The following IL1RAPL1 variants were observed in gnomAD, a reference collection of about 807,000 sequenced individuals.
IL1RAPL1 encodes the protein interleukin-1 receptor accessory protein-like 1.
Under a neutral mutation model 48.4 loss-of-function variants are expected in IL1RAPL1, and 3 were observed. The observed-to-expected ratio is 0.06, with a 90% CI of 0.03 to 0.16. IL1RAPL1 has a LOEUF of 0.16. IL1RAPL1 is among the 10% of genes least tolerant of loss of function. The probability of loss-of-function intolerance (pLI) is 1.00; values close to 1 mark genes in which losing one functional copy is unlikely to be tolerated. For synonymous variants in IL1RAPL1, 185 were observed against 187.7 expected (o/e 0.99, Z 0.12); for missense variants, 349 against 530.6 (o/e 0.66, Z 3.36).
intron 1 of IL1RAPL1, among the ~76,000 whole-genome samples, chrX:28,687,982 T>G (rs1935131975): frequency 9.4e-6 from 1 of 106,079 alleles, no homozygotes; most frequent in Admixed American, 1.0e-4. Context: ...CATGCTACAG[T>G]AATCCTAGCT....
intron 5 of IL1RAPL1, among the ~76,000 whole-genome samples, chrX:29,649,406 T>C (rs1378205099): frequency 2.7e-5 from 3 of 111,884 alleles, no homozygotes; most frequent in South Asian, 3.7e-4. Flanking sequence ...ACATGATCAA[T>C]TGAGATTCAT....
intron 6 of IL1RAPL1, among the ~76,000 whole-genome samples, chrX:29,913,215 A>C (rs12558680): frequency 0.26 from 28,231 of 109,787 alleles, 2,740 homozygotes; most frequent in Admixed American, 0.3. Flanking sequence ...GAGCAGAGCA[A>C]TGCATAAGAA....
At chrX:28,977,578 C>A (rs1925235921) in intron 2 of IL1RAPL1, among the ~76,000 whole-genome samples, 1 of 112,287 alleles carries the variant, frequency 8.9e-6, no homozygotes, top group African/African-American at 3.2e-5. Flanking sequence ...GGACACAGAT[C>A]CAAACCATAT....
At chrX:29,719,743 C>CAAAAAAAAAAAA (rs372308075) in intron 6 of IL1RAPL1, among the ~76,000 whole-genome samples, 7 of 21,841 alleles carry the variant, frequency 3.2e-4, no homozygotes, top group Non-Finnish European at 6.5e-4. Context: ...GAAAGATGAG[C>CAAAAAAAAAAAA]AAAAAAAAAA....
intron 3 of IL1RAPL1, among the ~76,000 whole-genome samples, chrX:29,373,866 A>ATTTTTT (rs1933579571): frequency 1.3e-3 from 30 of 23,458 alleles, no homozygotes; most frequent in Non-Finnish European, 2.3e-3. Context: ...CTCTCTTTTT[A>ATTTTTT]ATTTTTTTTT....
chrX:29,822,073 TAATTTTCC>T (rs1930631918), intron 6 of IL1RAPL1, among the ~76,000 whole-genome samples: 2 of 112,266 alleles, frequency 1.8e-5, no homozygotes, highest in South Asian at 7.3e-4. Flanking sequence ...GTCAAAGATT[TAATTTTCC>T]AATTGATCTT....
At chrX:29,938,651 G>T (rs1329968252) in intron 8 of IL1RAPL1, among the ~76,000 whole-genome samples, 2 of 112,367 alleles carry the variant, frequency 1.8e-5, no homozygotes, top group Non-Finnish European at 3.8e-5. Flanking sequence ...GGCTAAATGA[G>T]TTCCGACAAA....
At position 29,644,715 on chromosome X, in the gene IL1RAPL1, C is replaced by T. The variant is rs774574120; in HGVS notation, c.704-23715C>T. 9.0e-5 allele frequency among the ~76,000 whole-genome samples: 10 copies of T among 111,683 alleles called. No homozygotes were observed. In the East Asian group the frequency reaches 1.7e-3, roughly 19 times the overall value. The stretch of plus-strand genomic sequence containing the variant: ...CTGAGTAGCTGGGACTACAGGCATG[C>T]GCCACCTTGCCTGGCTAATTTTTGT... On this transcript the variant is annotated intron_variant, in intron 5 of 10. Coordinates refer to ENST00000378993, the MANE Select transcript of IL1RAPL1 (RefSeq NM_014271.4).
chrX:29,062,100 C>T (rs1464857248), intron 2 of IL1RAPL1, among the ~76,000 whole-genome samples: 6 of 111,927 alleles, frequency 5.4e-5, no homozygotes, highest in Non-Finnish European at 9.4e-5. Flanking sequence ...TTAATATCAA[C>T]GTAATATTGT....
chrX:29,010,649 C>A, intron 2 of IL1RAPL1, among the ~76,000 whole-genome samples: 1 of 111,828 alleles, frequency 8.9e-6, no homozygotes, highest in East Asian at 2.8e-4. Flanking sequence ...TAAATAAGAT[C>A]TAATGTGTAT....
intron 5 of IL1RAPL1, among the ~76,000 whole-genome samples, chrX:29,622,530 G>A (rs1924493452): frequency 9.0e-6 from 1 of 111,707 alleles, no homozygotes; most frequent in African/African-American, 3.3e-5. Flanking sequence ...GGGTTCCTAA[G>A]ATCAATATGC....
intron 2 of IL1RAPL1, among the ~76,000 whole-genome samples, chrX:29,030,628 A>G (rs1055325424): frequency 9.0e-6 from 1 of 111,713 alleles, no homozygotes; most frequent in African/African-American, 3.2e-5. Context: ...CGAATTTTGA[A>G]TTTCAAATCT....
chrX:29,255,244 T>C (rs1383817771), intron 2 of IL1RAPL1, among the ~76,000 whole-genome samples: 4 of 109,010 alleles, frequency 3.7e-5, no homozygotes, highest in Non-Finnish European at 7.6e-5. Flanking sequence ...TCTATATTTT[T>C]CTTGTTTTAT....
intron 2 of IL1RAPL1, among the ~76,000 whole-genome samples, chrX:29,049,035 A>G (rs770053054): frequency 6.2e-5 from 7 of 112,422 alleles, no homozygotes; most frequent in Non-Finnish European, 1.3e-4. Context: ...TCTTTTACAA[A>G]TGGTGAAGAT....
At chrX:29,152,550 G>A (rs1012547370) in intron 2 of IL1RAPL1, among the ~76,000 whole-genome samples, 3 of 111,900 alleles carry the variant, frequency 2.7e-5, no homozygotes, top group East Asian at 5.6e-4. Context: ...ATAACTTGAT[G>A]TAATCCACTA....
intron 5 of IL1RAPL1, among the ~76,000 whole-genome samples, chrX:29,440,475 A>G (rs1372746718): frequency 9.0e-6 from 1 of 111,709 alleles, no homozygotes; most frequent in African/African-American, 3.2e-5. Flanking sequence ...GCACAGAAGG[A>G]GCCAGTAATT....
chrX:28,867,384 G>A (rs1268893714), intron 2 of IL1RAPL1, among the ~76,000 whole-genome samples: 2 of 111,703 alleles, frequency 1.8e-5, no homozygotes, highest in Non-Finnish European at 3.8e-5. Flanking sequence ...CTCTAGGGGT[G>A]GTAGGATATT....
intron 5 of IL1RAPL1, among the ~76,000 whole-genome samples, chrX:29,523,076 A>G (rs1444947713): frequency 8.9e-6 from 1 of 111,844 alleles, no homozygotes; most frequent in East Asian, 2.8e-4. Context: ...ATAACTTTAT[A>G]TGTTACATTC....
intron 5 of IL1RAPL1, among the ~76,000 whole-genome samples, chrX:29,486,544 C>T (rs185120982): frequency 2.2e-4 from 22 of 101,302 alleles, no homozygotes; most frequent in African/African-American, 5.8e-4. Flanking sequence ...TCTCTATTCC[C>T]ATTGGACTAT....
Sources: gnomAD v4.1 joint callset for allele counts (sites outside exome capture counted in the v4.1 genomes callset) on GRCh38, gnomAD v4.1.1 for gene constraint, MANE v1.5 for transcripts, NCBI Gene and HGNC (gene_info 2026-07-23, HGNC 2026-07-21) for gene names.